Variants in CDK17 observed in about 807,000 individuals in gnomAD.
CDK17 encodes cyclin-dependent kinase 17.
In CDK17, 24 loss-of-function variants were observed where a neutral mutation model predicts 77.6. The ratio of observed to expected loss-of-function variants is 0.31; its 90% confidence interval spans 0.22 to 0.44. The LOEUF is 0.44. CDK17 is among the 20% of genes least tolerant of loss of function. The pLI is 1.00. For synonymous variants in CDK17, 203 were observed against 210.4 expected (o/e 0.96, Z 0.30); for missense variants, 429 against 622.5 (o/e 0.69, Z 3.31).
rs557406527 is a variant in CDK17 at position 96,310,681 on chromosome 12, G to A, written c.543+371C>T. On this transcript the variant is annotated intron_variant, in intron 5 of 16. Transcript: ENST00000261211. ...AGGTATATTAACATTTCAAAGGTTC[G>A]TTGAGCTGTACAATTATGGTTTGTG... Among the ~76,000 whole-genome samples, 7 of 150,688 alleles carry A rather than the reference G, an allele frequency of 4.6e-5. No homozygotes were observed. In the South Asian group the frequency reaches 8.5e-4, roughly 18 times the overall value.
At chr12:96,342,737 G>C (rs924387600) in intron 1 of CDK17, among the ~76,000 whole-genome samples, 2 of 152,124 alleles carry the variant, frequency 1.3e-5, no homozygotes, top group Non-Finnish European at 2.9e-5. Flanking sequence ...GGCCAAGGCA[G>C]GCGGATCACC....
intron 5 of CDK17, among the ~76,000 whole-genome samples, chr12:96,305,099 C>G (rs891623914): frequency 6.6e-6 from 1 of 152,224 alleles, no homozygotes; most frequent in African/African-American, 2.4e-5. Context: ...CAAGGAAGCT[C>G]TGATGAATCC....
chr12:96,336,036 G>A (rs1264923220), intron 1 of CDK17, among the ~76,000 whole-genome samples: 1 of 152,102 alleles, frequency 6.6e-6, no homozygotes, highest in Non-Finnish European at 1.5e-5. Flanking sequence ...CTAAGTAACT[G>A]AGTTTACTGA....
Position 96,400,252 on chromosome 12 carries a change from G to C in CDK17, c.-296C>G. 5.1e-6 allele frequency: 2 copies of C among 393,720 alleles called. No individual in the cohort carries two copies. The highest frequency in any genetic ancestry group is 9.0e-6 in the Non-Finnish European group (2 of 222,758). 24.4% of individuals were successfully genotyped at this position (393,720 alleles called of 1,614,324 possible). A position where few individuals can be genotyped will look rare whatever the true frequency, so the allele number is the denominator to read the frequency against. On this transcript the variant is annotated 5_prime_UTR_variant, in exon 1 of 17. Transcript: ENST00000261211. ...CCCGCGCCGACGAGCCGCGCGGACG[G>C]CCCACTAATCCCCTCGGAGCAGCCG...
intron 9 of CDK17, 73 bp downstream of exon 9, chr12:96,297,197 G>T: frequency 1.1e-6 from 1 of 899,768 alleles, no homozygotes; most frequent in Non-Finnish European, 1.7e-6. Context: ...TATGAGGCTG[G>T]TACATTTCAT....
intron 5 of CDK17, among the ~76,000 whole-genome samples, chr12:96,308,229 T>TAAAAAAAAAAAAA (rs61572243): frequency 1.6e-5 from 1 of 63,766 alleles, no homozygotes; most frequent in African/African-American, 5.8e-5. Flanking sequence ...ATGCCATCTC[T>TAAAAAAAAAAAAA]AAAAAAAAAA....
At position 96,340,360 on chromosome 12, in the gene CDK17, T is replaced by C. The variant is rs1412306934; in HGVS notation, c.-29-5495A>G. Reference sequence around the variant, plus strand: ...GAGTAAGAAAGATATTTCTAATTCATAAAAGCAAGAGAAAAATACTTATAA... The same window carrying C: ...GAGTAAGAAAGATATTTCTAATTCACAAAAGCAAGAGAAAAATACTTATAA... On this transcript the variant is annotated intron_variant, in intron 1 of 16. Transcript: ENST00000261211. Among the ~76,000 whole-genome samples the C allele has an allele frequency of 2.6e-5, 4 of 152,104 alleles. No individual in the cohort carries two copies. In the East Asian group the frequency reaches 5.8e-4, roughly 22 times the overall value.
At chr12:96,399,649 G>A (rs1051729933) in intron 1 of CDK17, among the ~76,000 whole-genome samples, 2 of 152,154 alleles carry the variant, frequency 1.3e-5, no homozygotes, top group Non-Finnish European at 2.9e-5. Flanking sequence ...CGCCTCGCGA[G>A]GAGACCGGCC....
chr12:96,395,301 C>T (rs749485999), intron 1 of CDK17, among the ~76,000 whole-genome samples: 3 of 152,170 alleles, frequency 2.0e-5, no homozygotes, highest in African/African-American at 4.8e-5. Flanking sequence ...TACTTTAAAT[C>T]GCATTTTGAT....
chr12:96,298,697 T>C (rs1339818216), intron 7 of CDK17, among the ~76,000 whole-genome samples, 172 bp downstream of exon 7: 2 of 152,250 alleles, frequency 1.3e-5, no homozygotes, highest in East Asian at 1.9e-4. Context: ...TTATAAGTTA[T>C]ACACTAATAT....
At chr12:96,398,650 C>A (rs1954209915) in intron 1 of CDK17, among the ~76,000 whole-genome samples, 1 of 152,204 alleles carries the variant, frequency 6.6e-6, no homozygotes, top group Non-Finnish European at 1.5e-5. Context: ...AAAAAAGAAA[C>A]AGCAAAGTTT....
At chr12:96,335,366 T>C in intron 1 of CDK17, 1 of 189,188 alleles carries the variant, frequency 5.3e-6, no homozygotes, top group Non-Finnish European at 1.1e-5. Flanking sequence ...AGCCAGTACA[T>C]TAGAGTTTGG....
chr12:96,387,739 C>T (rs759190822), intron 1 of CDK17, among the ~76,000 whole-genome samples: 83 of 152,122 alleles, frequency 5.5e-4, no homozygotes, highest in Non-Finnish European at 8.8e-4. Flanking sequence ...TCCAGGAGTT[C>T]AAGACTAGCC....
At chr12:96,282,645 C>A in intron 14 of CDK17, 46 bp from the exon 15 acceptor site, 1 of 1,306,452 alleles carries the variant, frequency 7.7e-7, no homozygotes, top group Non-Finnish European at 1.1e-6. Flanking sequence ...TCTCTAATTA[C>A]TGCAAAAAGT....
At chr12:96,379,219 A>C (rs1438548509) in intron 1 of CDK17, among the ~76,000 whole-genome samples, 1 of 152,216 alleles carries the variant, frequency 6.6e-6, no homozygotes, top group Non-Finnish European at 1.5e-5. Flanking sequence ...CAGCTGCTAA[A>C]ATTAACATAT....
intron 10 of CDK17, among the ~76,000 whole-genome samples, chr12:96,290,278 T>A (rs1952307633): frequency 6.6e-6 from 1 of 152,234 alleles, no homozygotes; most frequent in Admixed American, 6.5e-5. Flanking sequence ...CGCTATTACC[T>A]CGAAGCCTCT....
At chr12:96,302,136 A>G (rs143813878) in intron 5 of CDK17, among the ~76,000 whole-genome samples, 3 of 152,260 alleles carry the variant, frequency 2.0e-5, no homozygotes, top group Admixed American at 1.3e-4. Flanking sequence ...TGTCTTGAAC[A>G]TGACTCAGTA....
rs140682026 is a variant in CDK17 at position 96,315,829 on chromosome 12, T to TA, written c.284-2376dup. On this transcript the variant is annotated intron_variant, in intron 3 of 16. Coordinates refer to ENST00000261211, the MANE Select transcript of CDK17 (RefSeq NM_002595.5). ...CCTGGGTTTACCTTCCACATTGGGA[T>TA]AAAAAATGAAGCCCTGGGTTTCTGA... Among the ~76,000 whole-genome samples the TA allele has an allele frequency of 6.1e-3, 921 of 152,142 alleles. 12 individuals are homozygous for TA. Among genetic ancestry groups the TA allele is most frequent in the African/African-American group, 0.02 (827 of 41,486 alleles).
rs572396744 is a variant in CDK17 at position 96,362,220 on chromosome 12, A to AT, written c.-29-27356dup. ...CATAAGATAGTTACAGCACACTTTG[A>AT]TTTTTTTTTTCTTTTTTTGAGACAG... On this transcript the variant is annotated intron_variant, in intron 1 of 16. Coordinates refer to ENST00000261211, the MANE Select transcript of CDK17 (RefSeq NM_002595.5). Among the ~76,000 whole-genome samples the AT allele has an allele frequency of 1.9e-3, 286 of 149,864 alleles. 1 individual carries two copies. The highest frequency in any genetic ancestry group is 0.014 in the Middle Eastern group (4 of 292).
Sources: gnomAD v4.1 joint callset for allele counts (sites outside exome capture counted in the v4.1 genomes callset) on GRCh38, gnomAD v4.1.1 for gene constraint, MANE v1.5 for transcripts, NCBI Gene and HGNC (gene_info 2026-07-23, HGNC 2026-07-21) for gene names.